Variants in MEGF9 observed in about 807,000 individuals in gnomAD.
MEGF9 encodes multiple epidermal growth factor-like domains protein 9.
Under a neutral mutation model 46.8 loss-of-function variants are expected in MEGF9, and 6 were observed. The ratio of observed to expected loss-of-function variants is 0.13; its 90% CI spans 0.07 to 0.25. The LOEUF is 0.25. MEGF9 is among the 10% of genes least tolerant of loss of function. The pLI, the probability that MEGF9 is intolerant of heterozygous loss-of-function variation, is 1.00. For synonymous variants in MEGF9, 302 were observed against 330.7 expected (o/e 0.91, Z 0.94); for missense variants, 683 against 792.4 (o/e 0.86, Z 1.66).
chr9:120,692,848 A>C (rs1022907443), intron 1 of MEGF9, among the ~76,000 whole-genome samples: 2 of 152,166 alleles, frequency 1.3e-5, no homozygotes, highest in Non-Finnish European at 2.9e-5. Context: ...ACTGAGAGAA[A>C]ACATCCCACA....
chr9:120,691,508 T>C, intron 1 of MEGF9: 1 of 376,646 alleles, frequency 2.7e-6, no homozygotes, highest in Non-Finnish European at 5.5e-6. Context: ...ATATGCACAC[T>C]AGGCAAAAGC....
chr9:120,612,718 A>G (rs77960363), intron 3 of MEGF9, among the ~76,000 whole-genome samples, 179 bp from the exon 4 acceptor site: 5,576 of 152,234 alleles, frequency 0.037, 324 homozygotes, highest in African/African-American at 0.13. Context: ...TGTGTCCCCT[A>G]CTAGATTGTA....
chr9:120,709,375 T>C (rs2043942650), intron 1 of MEGF9, among the ~76,000 whole-genome samples: 1 of 150,964 alleles, frequency 6.6e-6, no homozygotes, highest in East Asian at 1.9e-4. Context: ...ATGGTGCCAC[T>C]GCATTCCAGC....
rs1201903977 is a variant in MEGF9, at chr9:120,627,048, G to GT, written c.804-4294dup. On this transcript the variant is annotated intron_variant, in intron 2 of 5. Transcript: ENST00000373930. ...TACTTACTTTTAAAATTTAAAATTT[G>GT]TAAGTAATTTAAAATTTTAGAATTC... Among the ~76,000 whole-genome samples, 4 of 152,176 alleles carry GT rather than the reference G, an allele frequency of 2.6e-5. No homozygotes were observed. The East Asian group carries it at 7.7e-4, about 29-fold the overall frequency.
chr9:120,625,764 G>A (rs2043521812), intron 2 of MEGF9, among the ~76,000 whole-genome samples: 1 of 148,868 alleles, frequency 6.7e-6, no homozygotes. Context: ...AACCTGTGAG[G>A]TGGAGGTTGT....
intron 2 of MEGF9, among the ~76,000 whole-genome samples, chr9:120,649,936 G>A (rs1345966189): frequency 2.0e-5 from 3 of 152,086 alleles, no homozygotes; most frequent in African/African-American, 4.8e-5. Flanking sequence ...CTAAAATGAT[G>A]CACCTTGTAC....
At chr9:120,666,261 T>C (rs1169111437) in intron 1 of MEGF9, among the ~76,000 whole-genome samples, 5 of 152,220 alleles carry the variant, frequency 3.3e-5, no homozygotes, top group African/African-American at 1.2e-4. Context: ...AAATTTATAA[T>C]ATTTATCAGA....
chr9:120,640,864 C>T, intron 2 of MEGF9, among the ~76,000 whole-genome samples: 1 of 144,950 alleles, frequency 6.9e-6, no homozygotes, highest in Admixed American at 6.9e-5. Flanking sequence ...CGCCCACCCT[C>T]CCCCTTCTAG....
At chr9:120,609,065 A>G (rs1422407499) in intron 4 of MEGF9, among the ~76,000 whole-genome samples, 2 of 152,120 alleles carry the variant, frequency 1.3e-5, no homozygotes, top group African/African-American at 4.8e-5. Context: ...AATCTCTTCA[A>G]TGGTTCCCTA....
chr9:120,656,813 T>C (rs2043679469), intron 2 of MEGF9, among the ~76,000 whole-genome samples: 1 of 152,162 alleles, frequency 6.6e-6, no homozygotes, highest in African/African-American at 2.4e-5. Flanking sequence ...CCAGGCATGG[T>C]GGCTCATGCC....
At chr9:120,611,774 T>C (rs892166665) in intron 4 of MEGF9, among the ~76,000 whole-genome samples, 5 of 143,788 alleles carry the variant, frequency 3.5e-5, no homozygotes, top group African/African-American at 1.0e-4. Flanking sequence ...AAAGCTATTA[T>C]TTAAACAGAC....
chr9:120,649,107 C>T (rs940748734), intron 2 of MEGF9, among the ~76,000 whole-genome samples: 9 of 152,136 alleles, frequency 5.9e-5, no homozygotes, highest in African/African-American at 1.9e-4. Flanking sequence ...AATGTAAATG[C>T]TATGTAAATA....
chr9:120,617,923 TG>T (rs1255688496), intron 3 of MEGF9, among the ~76,000 whole-genome samples: 1 of 152,214 alleles, frequency 6.6e-6, no homozygotes, highest in Non-Finnish European at 1.5e-5. Context: ...TACTAGGCTT[TG>T]GGACTGAGTA....
At chr9:120,688,784 C>T (rs1215833150) in intron 1 of MEGF9, among the ~76,000 whole-genome samples, 4 of 152,114 alleles carry the variant, frequency 2.6e-5, no homozygotes, top group Non-Finnish European at 4.4e-5. Flanking sequence ...GTTCTTTACA[C>T]GTGCTTCTGG....
intron 1 of MEGF9, among the ~76,000 whole-genome samples, chr9:120,669,181 C>T (rs1315912060): frequency 6.6e-6 from 1 of 152,042 alleles, no homozygotes; most frequent in African/African-American, 2.4e-5. Context: ...AAGGCAATTT[C>T]CTTTGAAAAT....
In MEGF9 at chr9:120,618,341, G is replaced by T. The variant is rs1039374210; in HGVS notation, c.943+4275C>A. 2.6e-5 allele frequency among the ~76,000 whole-genome samples: 4 copies of T among 152,160 alleles called. No individual in the cohort carries two copies. In the East Asian group the frequency reaches 5.8e-4, roughly 22 times the overall value. ...GGTAGCACAAAAACTAGGAAAGCATGATACTCTGAAGTAAGTATCATTGGG... is the reference window on the plus strand; with the variant it reads ...GGTAGCACAAAAACTAGGAAAGCATTATACTCTGAAGTAAGTATCATTGGG... On this transcript the variant is annotated intron_variant, in intron 3 of 5. Coordinates refer to ENST00000373930, the MANE Select transcript of MEGF9 (RefSeq NM_001080497.3).
intron 1 of MEGF9, among the ~76,000 whole-genome samples, chr9:120,697,375 G>A (rs543830629): frequency 1.4e-4 from 22 of 151,926 alleles, no homozygotes; most frequent in African/African-American, 1.9e-4. Context: ...GAGCTACCGC[G>A]CCCAGTCTAT....
chr9:120,689,595 C>T (rs1252706820), intron 1 of MEGF9, among the ~76,000 whole-genome samples: 1 of 152,032 alleles, frequency 6.6e-6, no homozygotes, highest in African/African-American at 2.4e-5. Flanking sequence ...ATGCCAAGAG[C>T]ATGTGCATGT....
At chr9:120,641,542 C>T (rs78196424) in intron 2 of MEGF9, among the ~76,000 whole-genome samples, 264 of 152,304 alleles carry the variant, frequency 1.7e-3, no homozygotes, top group African/African-American at 6.0e-3. Flanking sequence ...GAGGACAACA[C>T]ACTCAGAGCC....
Sources: gnomAD v4.1 joint callset for allele counts (sites outside exome capture counted in the v4.1 genomes callset) on GRCh38, gnomAD v4.1.1 for gene constraint, MANE v1.5 for transcripts, NCBI Gene and HGNC (gene_info 2026-07-23, HGNC 2026-07-21) for gene names.